The following MTMR1 variants were observed in gnomAD, a reference collection of about 807,000 sequenced individuals.
MTMR1 encodes phosphatidylinositol-3-phosphate phosphatase MTMR1.
Under a neutral mutation model 51.6 loss-of-function variants are expected in MTMR1, and 17 were observed. The observed-to-expected ratio is 0.33, with a 90% CI of 0.23 to 0.49. The LOEUF (loss-of-function observed/expected upper bound fraction) is 0.49, where lower values mean the gene tolerates loss of function less well. Among genes scored for constraint, MTMR1 ranks in the 20% least tolerant of loss-of-function variants. The probability of loss-of-function intolerance (pLI) is 0.99; values close to 1 mark genes in which losing one functional copy is unlikely to be tolerated. For synonymous variants in MTMR1, 201 were observed against 205.6 expected (o/e 0.98, Z 0.19); for missense variants, 386 against 526.9 (o/e 0.73, Z 2.62).
intron 2 of MTMR1, among the ~76,000 whole-genome samples, chrX:150,701,305 G>A (rs1557415923): frequency 5.4e-5 from 6 of 111,500 alleles, no homozygotes; most frequent in Non-Finnish European, 1.9e-5. Context: ...TAACCAAAAT[G>A]GGCCTTTGGG....
chrX:150,725,609 C>T (rs1193467198), intron 4 of MTMR1, among the ~76,000 whole-genome samples: 2 of 112,066 alleles, frequency 1.8e-5, no homozygotes, highest in Non-Finnish European at 3.8e-5. Flanking sequence ...TATGCTGCTT[C>T]ATGTACAGGA....
intron 13 of MTMR1, among the ~76,000 whole-genome samples, chrX:150,749,249 T>G (rs2042661976): frequency 8.9e-6 from 1 of 112,418 alleles, no homozygotes; most frequent in African/African-American, 3.2e-5. Flanking sequence ...TTGTTCTAAT[T>G]GAAAAGCCTG....
intron 3 of MTMR1, among the ~76,000 whole-genome samples, chrX:150,713,302 TACTCG>T (rs1235696978): frequency 8.9e-6 from 1 of 112,241 alleles, no homozygotes; most frequent in Non-Finnish European, 1.9e-5. Context: ...AAAACTTAAT[TACTCG>T]ATTTTCTTTA....
chrX:150,748,926 G>T (rs782299702), intron 13 of MTMR1, among the ~76,000 whole-genome samples: 2 of 111,995 alleles, frequency 1.8e-5, no homozygotes, highest in Non-Finnish European at 3.8e-5. Flanking sequence ...AATCTTAAAG[G>T]CTCCAAGAAA....
chrX:150,744,300 C>G, intron 12 of MTMR1, 61 bp from the exon 13 acceptor site: 3 of 958,178 alleles, frequency 3.1e-6, no homozygotes, highest in Non-Finnish European at 4.4e-6. Flanking sequence ...GGACAACTTA[C>G]AGTGACTTTC....
At chrX:150,733,562 G>T (rs1309439316) in intron 10 of MTMR1, among the ~76,000 whole-genome samples, 3 of 110,392 alleles carry the variant, frequency 2.7e-5, no homozygotes, top group African/African-American at 9.9e-5. Context: ...TGAGAGGCAC[G>T]ATGGCAAGTT....
intron 15 of MTMR1, among the ~76,000 whole-genome samples, chrX:150,757,802 C>T (rs1247263721): frequency 8.9e-6 from 1 of 112,106 alleles, no homozygotes; most frequent in Admixed American, 9.4e-5. Context: ...CTTGTGCTGC[C>T]CTGGAGCCTT....
At chrX:150,737,638 T>A (rs1256326863) in intron 12 of MTMR1, among the ~76,000 whole-genome samples, 190 bp downstream of exon 12, 1 of 112,467 alleles carries the variant, frequency 8.9e-6, no homozygotes, top group Non-Finnish European at 1.9e-5. Context: ...CATAGGGCGT[T>A]TTTATTTTAG....
Position 150,763,878 on chromosome X carries a change from G to A in MTMR1, c.*1149G>A, listed in dbSNP as rs960431328. On this transcript the variant is annotated 3_prime_UTR_variant, in exon 16 of 16. Transcript: ENST00000445323. The stretch of plus-strand genomic sequence containing the variant: ...TACTGACTTTGAGCTCTGTGACTCC[G>A]TCGGTTCTCGCAGGAATTAACTAAC... 3 of 112,320 alleles carry A rather than the reference G, an allele frequency of 2.7e-5. No individual in the cohort carries two copies. Among genetic ancestry groups the A allele is most frequent in the Non-Finnish European group, 3.8e-5 (2 of 53,275 alleles). The allele number at this position is 112,320 out of a possible 1,213,427, so 9.3% of individuals were successfully genotyped here.
chrX:150,744,361 C>T lies in MTMR1; in HGVS notation c.1474C>T (p.Arg492Ter), dbSNP rs1401425355. The T allele has an allele frequency of 8.3e-7, 1 of 1,205,563 alleles. No individual in the cohort carries two copies. The change falls in exon 13 of 16, where the codon CGA becomes TGA. Residue 492 changes from arginine (R) to a stop codon, truncating the protein, a stop_gained and splice_region_variant. Coordinates refer to ENST00000445323, the MANE Select transcript of MTMR1 (RefSeq NM_001306144.3). LOFTEE classifies it high-confidence loss of function. ...CGTTTAACCTTCTGTTTCTGTTCAG[C>T]GAGTGGGCCATGGTAATGACAACCA... is the stretch of plus-strand genomic sequence containing the variant. Reference protein sequence around the residue: ...WISFGHRFALRVGHGNDNHAD... With the variant: ...WISFGHRFAL
chrX:150,712,895 T>C, intron 3 of MTMR1: 3 of 846,223 alleles, frequency 3.5e-6, no homozygotes, highest in Non-Finnish European at 4.5e-6. Flanking sequence ...ACAGATATAG[T>C]GGGTTACAGC....
chrX:150,698,680 G>GCACACACACACACACA (rs1214335904), intron 1 of MTMR1, among the ~76,000 whole-genome samples: 55 of 62,964 alleles, frequency 8.7e-4, no homozygotes, highest in East Asian at 2.8e-3. Flanking sequence ...ACACGCGCGC[G>GCACACACACACACACA]CACACACACA....
chrX:150,693,401 C>T lies in MTMR1; in HGVS notation c.-130C>T, dbSNP rs2040542743. 4 of 736,012 alleles carry T rather than the reference C, an allele frequency of 5.4e-6. No homozygotes were observed. Among genetic ancestry groups the T allele is most frequent in the Non-Finnish European group, 6.4e-6 (4 of 623,097 alleles). 60.7% of individuals were successfully genotyped at this position (736,012 alleles called of 1,213,427 possible). On this transcript the variant is annotated 5_prime_UTR_variant, in exon 1 of 16. Coordinates refer to ENST00000445323, the MANE Select transcript of MTMR1 (RefSeq NM_001306144.3). ...GTAACGCGGGGCCGCCAGGTGACAGCTAATGGCGGCGGCCGCCTGAGGCGG... is the reference window on the plus strand; with the variant it reads ...GTAACGCGGGGCCGCCAGGTGACAGTTAATGGCGGCGGCCGCCTGAGGCGG...
At chrX:150,698,846 G>A (rs1204019037) in intron 1 of MTMR1, among the ~76,000 whole-genome samples, 17 of 109,770 alleles carry the variant, frequency 1.5e-4, no homozygotes, top group Admixed American at 6.8e-4. Flanking sequence ...CTCCAGCCTG[G>A]GTGACAGAGT....
intron 1 of MTMR1, among the ~76,000 whole-genome samples, chrX:150,696,999 G>C (rs782122647): frequency 7.1e-5 from 8 of 112,078 alleles, no homozygotes; most frequent in African/African-American, 2.6e-4. Context: ...TCAGAAGAAG[G>C]GGGAAGGCAT....
In MTMR1 at chrX:150,762,721, T is replaced by A. The variant is rs782451221; in HGVS notation, c.2014T>A (p.Ser672Thr). 7 of 1,167,584 alleles carry A rather than the reference T, an allele frequency of 6.0e-6. No individual in the cohort carries two copies. The Admixed American group carries it at 7.2e-5, about 12-fold the overall frequency. ...CCACTCCGCCACCTCCGTCCACACC[T>A]CGGTCTGATGGGCGAGGTCAGCCTG... ...PSHSATSVHTSV is the reference protein window; with the variant it reads ...PSHSATSVHTTV The change falls in exon 16 of 16, where the codon TCG becomes ACG. Residue 672 changes from serine to threonine, a missense_variant. Coordinates refer to ENST00000445323, the MANE Select transcript of MTMR1 (RefSeq NM_001306144.3).
chrX:150,760,931 CAAAA>C (rs56341623), intron 15 of MTMR1, among the ~76,000 whole-genome samples: 6 of 74,769 alleles, frequency 8.0e-5, no homozygotes, highest in Non-Finnish European at 1.0e-4. Flanking sequence ...CATTCCGCCT[CAAAA>C]AAAAAAAAAA....
At chrX:150,723,244 A>G (rs2041813057) in intron 4 of MTMR1, among the ~76,000 whole-genome samples, 1 of 111,572 alleles carries the variant, frequency 9.0e-6, no homozygotes, top group South Asian at 3.8e-4. Flanking sequence ...TTCTTGATCC[A>G]GTCTATCATT....
At chrX:150,735,705 CGTG>C (rs782671071) in intron 10 of MTMR1, 50 of 329,182 alleles carry the variant, frequency 1.5e-4, no homozygotes, top group Non-Finnish European at 1.1e-4. Flanking sequence ...TGGTGTACAA[CGTG>C]GTATTTTGAT....
Sources: allele counts gnomAD v4.1 joint callset (sites outside exome capture counted in the v4.1 genomes callset), GRCh38; gene constraint gnomAD v4.1.1; transcripts MANE v1.5; gene names NCBI Gene and HGNC (gene_info 2026-07-23, HGNC 2026-07-21).